SGCZ: variants seen among roughly 807,000 people sequenced by gnomAD.
SGCZ encodes the protein zeta-sarcoglycan.
A neutral mutation model predicts 41.3 loss-of-function variants in SGCZ; 40 were observed. The ratio of observed to expected loss-of-function variants is 0.97; its 90% CI spans 0.75 to 1.26. The LOEUF is 1.26. SGCZ is among the 50% of genes most tolerant of loss of function. The pLI is 0.00. For synonymous variants in SGCZ, 206 were observed against 137.5 expected (o/e 1.50, Z -3.49); for missense variants, 552 against 369.8 (o/e 1.49, Z -4.04).
At chr8:15,020,925 T>C (rs1803225296) in intron 1 of SGCZ, among the ~76,000 whole-genome samples, 1 of 152,212 alleles carries the variant, frequency 6.6e-6, no homozygotes, top group South Asian at 2.1e-4. Flanking sequence ...GTTATTTTAG[T>C]GGATTAGGAA....
chr8:14,662,855 C>T (rs2117487314), intron 1 of SGCZ, among the ~76,000 whole-genome samples: 1 of 152,178 alleles, frequency 6.6e-6, no homozygotes, highest in Admixed American at 6.5e-5. Flanking sequence ...ATTTGACTTG[C>T]TTTTCCAGAG....
At position 14,089,099 on chromosome 8, in the gene SGCZ, G is replaced by C. The variant is rs752614089; in HGVS notation, c.*1344C>G. The stretch of plus-strand genomic sequence containing the variant: ...AAGAGTTTGAGTTAAGGGGTGCTGT[G>C]ATAAATGAATATTCAGTATTCTGGA... On this transcript the variant is annotated 3_prime_UTR_variant, in exon 8 of 8. Coordinates refer to ENST00000382080, the MANE Select transcript of SGCZ (RefSeq NM_139167.4). Among the ~76,000 whole-genome samples, 2 of 151,942 alleles carry C rather than the reference G, an allele frequency of 1.3e-5. No homozygotes were observed. The highest frequency in any genetic ancestry group is 2.4e-5 in the African/African-American group (1 of 41,400).
rs1007629058 is a variant in SGCZ at position 14,558,185 on chromosome 8, C to T, written c.40-3259G>A. ...TGAAACTGTAATAAAAAATTACCAACAAAAAGAGTCCAGGACCAGTTGGAT... is the reference window on the plus strand; with the variant it reads ...TGAAACTGTAATAAAAAATTACCAATAAAAAGAGTCCAGGACCAGTTGGAT... On this transcript the variant is annotated intron_variant, in intron 1 of 7. Transcript: ENST00000382080. 4.6e-5 allele frequency among the ~76,000 whole-genome samples: 7 copies of T among 151,996 alleles called. No individual in the cohort carries two copies. In the South Asian group the frequency reaches 1.0e-3, roughly 22 times the overall value.
At chr8:15,056,482 T>G (rs1346350319) in intron 1 of SGCZ, among the ~76,000 whole-genome samples, 1 of 151,688 alleles carries the variant, frequency 6.6e-6, no homozygotes, top group Non-Finnish European at 1.5e-5. Flanking sequence ...TATTAATGAA[T>G]AAATGGATGA....
chr8:14,356,374 T>C (rs974575077), intron 2 of SGCZ, among the ~76,000 whole-genome samples: 104 of 152,068 alleles, frequency 6.8e-4, no homozygotes, highest in African/African-American at 2.4e-3. Flanking sequence ...TATTTTAAAA[T>C]ATGACCTACC....
At chr8:14,103,287 C>CACACA (rs1178000168) in intron 6 of SGCZ, among the ~76,000 whole-genome samples, 4 of 35,590 alleles carry the variant, frequency 1.1e-4, no homozygotes, top group Non-Finnish European at 4.4e-4. Context: ...GCAAAAATGA[C>CACACA]ACACAACACA....
At chr8:15,167,987 A>T (rs1408645766) in intron 1 of SGCZ, among the ~76,000 whole-genome samples, 1 of 152,226 alleles carries the variant, frequency 6.6e-6, no homozygotes, top group East Asian at 1.9e-4. Flanking sequence ...AAGGGAGCTA[A>T]CCAAAGCCAA....
At chr8:14,781,164 C>A (rs1311351330) in intron 1 of SGCZ, among the ~76,000 whole-genome samples, 1 of 152,114 alleles carries the variant, frequency 6.6e-6, no homozygotes, top group Non-Finnish European at 1.5e-5. Flanking sequence ...CCTCTTTTTT[C>A]TAAGCAGTTC....
intron 1 of SGCZ, among the ~76,000 whole-genome samples, chr8:14,778,222 C>G (rs1348160872): frequency 6.6e-6 from 1 of 152,092 alleles, no homozygotes; most frequent in African/African-American, 2.4e-5. Context: ...AGCTAAAAAT[C>G]TTTATAAATT....
chr8:15,111,863 G>A (rs1216519839), intron 1 of SGCZ, among the ~76,000 whole-genome samples: 1 of 149,292 alleles, frequency 6.7e-6, no homozygotes, highest in Non-Finnish European at 1.5e-5. Flanking sequence ...TTACACCACC[G>A]CACTCCAGCC....
chr8:14,289,253 G>A (rs1303073245), intron 3 of SGCZ, among the ~76,000 whole-genome samples: 2 of 150,412 alleles, frequency 1.3e-5, no homozygotes, highest in African/African-American at 4.9e-5. Context: ...GTCCTTTAAT[G>A]AGTATTTTTT....
At chr8:15,192,113 A>C (rs893865283) in intron 1 of SGCZ, among the ~76,000 whole-genome samples, 3 of 152,048 alleles carry the variant, frequency 2.0e-5, no homozygotes, top group Non-Finnish European at 4.4e-5. Flanking sequence ...CCCCTCCCCC[A>C]GTAATGGGAA....
intron 1 of SGCZ, among the ~76,000 whole-genome samples, chr8:15,196,573 A>G (rs935494898): frequency 2.1e-5 from 3 of 139,838 alleles, no homozygotes. Context: ...TCATTTGACT[A>G]CAGAAGAAAC....
intron 1 of SGCZ, among the ~76,000 whole-genome samples, chr8:15,217,742 A>G (rs1801458781): frequency 6.6e-6 from 1 of 152,192 alleles, no homozygotes; most frequent in African/African-American, 2.4e-5. Flanking sequence ...AGAAAATGAA[A>G]TTCTCCTGTA....
At chr8:15,142,498 G>C (rs559952073) in intron 1 of SGCZ, among the ~76,000 whole-genome samples, 1 of 152,188 alleles carries the variant, frequency 6.6e-6, no homozygotes, top group South Asian at 2.1e-4. Flanking sequence ...AGTAGAGACT[G>C]GGAGTCTAGA....
At chr8:14,099,667 G>A (rs1373511545) in intron 7 of SGCZ, among the ~76,000 whole-genome samples, 1 of 152,152 alleles carries the variant, frequency 6.6e-6, no homozygotes, top group Non-Finnish European at 1.5e-5. Context: ...GGAGGTTGCA[G>A]TGACCCAAGG....
intron 4 of SGCZ, chr8:14,164,973 C>T (rs1804165036): frequency 5.9e-6 from 2 of 337,684 alleles, no homozygotes; most frequent in Non-Finnish European, 1.1e-5. Flanking sequence ...CTTCACATAT[C>T]CACAAAAAGA....
chr8:15,196,149 G>C (rs185505025), intron 1 of SGCZ, among the ~76,000 whole-genome samples: 1 of 134,220 alleles, frequency 7.5e-6, no homozygotes, highest in East Asian at 2.0e-4. Flanking sequence ...CGCCCGCCTC[G>C]GCCTCCCAAA....
intron 1 of SGCZ, among the ~76,000 whole-genome samples, chr8:15,042,237 G>A (rs572549080): frequency 3.3e-5 from 5 of 152,036 alleles, no homozygotes; most frequent in African/African-American, 4.8e-5. Context: ...TCCTGTGATC[G>A]AACCCACCAA....
Sources: allele counts gnomAD v4.1 joint callset (sites outside exome capture counted in the v4.1 genomes callset), GRCh38; gene constraint gnomAD v4.1.1; transcripts MANE v1.5; gene names NCBI Gene and HGNC (gene_info 2026-07-23, HGNC 2026-07-21).